The following CHN1 variants were observed in gnomAD, a reference collection of about 807,000 sequenced individuals.
CHN1 encodes the protein N-chimaerin.
In CHN1, 37 loss-of-function variants were observed where a neutral mutation model predicts 59.5. The observed-to-expected ratio is 0.62, with a 90% CI of 0.48 to 0.82. CHN1 has a LOEUF of 0.82. Ranked by LOEUF, CHN1 falls within the 40% of genes least tolerant of loss-of-function variation. CHN1 has a pLI of 0.00. For missense variants in CHN1, 469 were observed against 571.0 expected (o/e 0.82, Z 1.82); for synonymous variants, 206 against 200.4 (o/e 1.03, Z -0.24).
At chr2:174,971,076 T>C (rs1277472516) in intron 1 of CHN1, among the ~76,000 whole-genome samples, 1 of 152,192 alleles carries the variant, frequency 6.6e-6, no homozygotes, top group Non-Finnish European at 1.5e-5. Context: ...CCCAGCACTT[T>C]GGGAGGCTGA....
At chr2:174,841,176 G>C (rs918141279) in intron 7 of CHN1, among the ~76,000 whole-genome samples, 3 of 152,174 alleles carry the variant, frequency 2.0e-5, no homozygotes, top group Non-Finnish European at 4.4e-5. Flanking sequence ...CGGATTATTA[G>C]TGGCAGGTAG....
chr2:174,980,162 G>A (rs754583269), intron 1 of CHN1, among the ~76,000 whole-genome samples: 10 of 152,062 alleles, frequency 6.6e-5, no homozygotes, highest in Non-Finnish European at 1.2e-4. Flanking sequence ...AATAAGAGAG[G>A]CTATTAATAC....
chr2:174,939,704 T>C (rs1280812562), intron 3 of CHN1, among the ~76,000 whole-genome samples: 7 of 152,194 alleles, frequency 4.6e-5, no homozygotes, highest in African/African-American at 1.4e-4. Context: ...TTTTATTAAA[T>C]AGCATTTTTA....
At chr2:174,918,398 T>C (rs925126745) in intron 4 of CHN1, 136 bp downstream of exon 4, 16 of 565,416 alleles carry the variant, frequency 2.8e-5, no homozygotes, top group Non-Finnish European at 3.2e-5. Flanking sequence ...TTAGATCACA[T>C]TTGAAATTTT....
At chr2:174,955,060 T>C (rs1690144594) in intron 1 of CHN1, among the ~76,000 whole-genome samples, 2 of 151,150 alleles carry the variant, frequency 1.3e-5, no homozygotes, top group Admixed American at 1.3e-4. Context: ...AATCAACAAG[T>C]GGATAAAGAA....
Position 174,799,432 on chromosome 2 carries a change from A to G in CHN1, c.*684T>C, listed in dbSNP as rs952704432. The G allele has an allele frequency of 8.7e-6, 4 of 461,790 alleles. No individual in the cohort carries two copies. The Admixed American group carries it at 9.1e-5, about 10-fold the overall frequency. The allele number at this position is 461,790 out of a possible 1,614,324, so 28.6% of individuals were successfully genotyped here. ...AAAAGCCAATTTAATAAATTAATAA[A>G]CGCATGCCAGAAAAAATACCAAATT... On this transcript the variant is annotated 3_prime_UTR_variant, in exon 13 of 13. Coordinates refer to ENST00000409900, the MANE Select transcript of CHN1 (RefSeq NM_001822.7).
At chr2:174,891,140 C>CAAAAAAAAAAAAAAAAAAAA (rs58016502) in intron 5 of CHN1, among the ~76,000 whole-genome samples, 3 of 24,426 alleles carry the variant, frequency 1.2e-4, no homozygotes, top group African/African-American at 1.0e-4. Flanking sequence ...GACTCCATCT[C>CAAAAAAAAAAAAAAAAAAAA]AAAAAAAAAA....
At chr2:174,974,579 A>T (rs887819240) in intron 1 of CHN1, among the ~76,000 whole-genome samples, 11 of 152,164 alleles carry the variant, frequency 7.2e-5, no homozygotes, top group Non-Finnish European at 1.3e-4. Context: ...TTCACAAGTG[A>T]CAATTAGATC....
At chr2:174,982,143 C>T (rs944473085) in intron 1 of CHN1, among the ~76,000 whole-genome samples, 4 of 152,302 alleles carry the variant, frequency 2.6e-5, no homozygotes, top group African/African-American at 9.6e-5. Context: ...TTTTTTATGA[C>T]TGCATAGTAT....
intron 6 of CHN1, among the ~76,000 whole-genome samples, chr2:174,876,834 T>C (rs145119726): frequency 6.6e-6 from 1 of 152,266 alleles, no homozygotes; most frequent in Non-Finnish European, 1.5e-5. Flanking sequence ...GATGGAGCAT[T>C]TTACGCTTGC....
chr2:174,879,663 A>G (rs1216933624), intron 5 of CHN1, among the ~76,000 whole-genome samples: 1 of 152,180 alleles, frequency 6.6e-6, no homozygotes, highest in African/African-American at 2.4e-5. Flanking sequence ...CATTATCTGC[A>G]ACATGGAAAG....
At chr2:174,924,520 C>T (rs1324556271) in intron 3 of CHN1, among the ~76,000 whole-genome samples, 10 of 152,268 alleles carry the variant, frequency 6.6e-5, no homozygotes, top group Admixed American at 6.5e-4. Context: ...TGTTAATCTG[C>T]CTTTTGTCAG....
intron 3 of CHN1, 72 bp downstream of exon 3, chr2:174,944,816 A>ACT (rs1689778001): frequency 1.9e-6 from 2 of 1,045,096 alleles, no homozygotes; most frequent in Non-Finnish European, 2.9e-6. Flanking sequence ...CAACCAAGCC[A>ACT]CTGAAGAAGG....
At chr2:174,901,339 C>A (rs1455274903) in intron 5 of CHN1, among the ~76,000 whole-genome samples, 1 of 152,166 alleles carries the variant, frequency 6.6e-6, no homozygotes, top group African/African-American at 2.4e-5. Context: ...TTCTCTTTGC[C>A]CTCTCACTCA....
chr2:174,942,660 C>T lies in CHN1; in HGVS notation c.114+2228G>A, dbSNP rs141668600. On this transcript the variant is annotated intron_variant, in intron 3 of 12. Transcript: ENST00000409900. ...TTGAGGTAATGGATATGCTAATTAC[C>T]CTCAATCATTACAGTGTATACATGT... Among the ~76,000 whole-genome samples, 304 of 151,892 alleles carry T rather than the reference C, an allele frequency of 2.0e-3. 1 individual carries two copies. Among genetic ancestry groups the T allele is most frequent in the African/African-American group, 7.1e-3 (294 of 41,440 alleles).
Position 174,799,920 on chromosome 2 carries a change from G to A in CHN1, c.*196C>T, listed in dbSNP as rs1236409953. 4 of 673,910 alleles carry A rather than the reference G, an allele frequency of 5.9e-6. No homozygotes were observed. In the African/African-American group the frequency reaches 7.0e-5, roughly 12 times the overall value. 41.7% of individuals were successfully genotyped at this position (673,910 alleles called of 1,614,324 possible). ...ACGTGATAAACACCCAGGATTACTA[G>A]AACCAGAAAGCGTGTGTTCACTGTT... On this transcript the variant is annotated 3_prime_UTR_variant, in exon 13 of 13. Transcript: ENST00000409900.
At chr2:174,942,858 T>C (rs1424564862) in intron 3 of CHN1, among the ~76,000 whole-genome samples, 1 of 152,076 alleles carries the variant, frequency 6.6e-6, no homozygotes, top group Non-Finnish European at 1.5e-5. Flanking sequence ...GAGACCAGCT[T>C]GGGCAACATG....
chr2:174,808,877 T>G (rs1192990307), intron 11 of CHN1, 28 bp downstream of exon 11: 1 of 1,611,244 alleles, frequency 6.2e-7, no homozygotes, highest in Non-Finnish European at 8.5e-7. Flanking sequence ...GTTGTCAGGT[T>G]ATTTGAAATA....
At chr2:174,948,615 T>G (rs1369673980) in intron 2 of CHN1, among the ~76,000 whole-genome samples, 3 of 152,210 alleles carry the variant, frequency 2.0e-5, no homozygotes, top group Non-Finnish European at 4.4e-5. Flanking sequence ...AGAATCAAAT[T>G]GTGAAATGCT....
Sources: gnomAD v4.1 joint callset for allele counts (sites outside exome capture counted in the v4.1 genomes callset) on GRCh38, gnomAD v4.1.1 for gene constraint, MANE v1.5 for transcripts, NCBI Gene and HGNC (gene_info 2026-07-23, HGNC 2026-07-21) for gene names.